SORCS1: variants seen among roughly 807,000 people sequenced by gnomAD.
The protein encoded by SORCS1 is VPS10 domain-containing receptor SorCS1.
In SORCS1, 60 loss-of-function variants were observed where a neutral mutation model predicts 146.1. That is an observed-to-expected ratio of 0.41 (90% CI 0.33 to 0.51). The LOEUF (loss-of-function observed/expected upper bound fraction) is 0.51, where lower values mean the gene tolerates loss of function less well. Ranked by LOEUF, SORCS1 falls within the 20% of genes least tolerant of loss-of-function variation. SORCS1 has a pLI of 0.21. For synonymous variants in SORCS1, 637 were observed against 584.0 expected (o/e 1.09, Z -1.31); for missense variants, 1,352 against 1,487.6 (o/e 0.91, Z 1.50).
intron 2 of SORCS1, among the ~76,000 whole-genome samples, chr10:106,898,937 T>G (rs1325385943): frequency 6.6e-6 from 1 of 152,222 alleles, no homozygotes; most frequent in Non-Finnish European, 1.5e-5. Context: ...TTGGTCAGAA[T>G]AGTGCTGGGT....
chr10:107,108,179 G>C (rs1216063049), intron 1 of SORCS1, among the ~76,000 whole-genome samples: 1 of 152,194 alleles, frequency 6.6e-6, no homozygotes, highest in Non-Finnish European at 1.5e-5. Context: ...TGATCCTAGA[G>C]ACAGGACTGC....
intron 4 of SORCS1, among the ~76,000 whole-genome samples, chr10:106,771,221 T>G (rs564160382): frequency 2.0e-5 from 3 of 152,040 alleles, no homozygotes; most frequent in Admixed American, 6.5e-5. Context: ...CTCTCCTGTT[T>G]TTTTTTTTTA....
chr10:107,163,863 C>A, intron 1 of SORCS1, 106 bp downstream of exon 1: 1 of 1,304,328 alleles, frequency 7.7e-7, no homozygotes, highest in East Asian at 2.5e-5. Flanking sequence ...GCAGCATCTC[C>A]CATGTCCAGA....
intron 1 of SORCS1, among the ~76,000 whole-genome samples, chr10:106,966,302 G>A (rs1426434358): frequency 6.6e-6 from 1 of 152,130 alleles, no homozygotes; most frequent in Non-Finnish European, 1.5e-5. Context: ...ACTAACATGT[G>A]AAGTCAACAG....
At chr10:106,932,616 G>A (rs780846133) in intron 2 of SORCS1, among the ~76,000 whole-genome samples, 1 of 152,172 alleles carries the variant, frequency 6.6e-6, no homozygotes, top group Non-Finnish European at 1.5e-5. Context: ...CTATCCAAGA[G>A]AAACAAAGCA....
chr10:107,154,940 T>G (rs1307382731), intron 1 of SORCS1, among the ~76,000 whole-genome samples: 2 of 152,334 alleles, frequency 1.3e-5, no homozygotes, highest in East Asian at 3.9e-4. Flanking sequence ...ATGAGGGAAC[T>G]AAAGACAGAG....
chr10:106,819,005 A>G (rs1947879954), intron 3 of SORCS1, among the ~76,000 whole-genome samples: 1 of 152,216 alleles, frequency 6.6e-6, no homozygotes, highest in Admixed American at 6.5e-5. Flanking sequence ...AACCTCTTAT[A>G]TTTCTATTTC....
intron 18 of SORCS1, among the ~76,000 whole-genome samples, chr10:106,648,425 T>G (rs1033055262): frequency 6.6e-6 from 1 of 152,334 alleles, no homozygotes; most frequent in African/African-American, 2.4e-5. Context: ...TAACTCCACT[T>G]AATTCGCTCC....
chr10:107,139,344 G>GA (rs1050873711), intron 1 of SORCS1, among the ~76,000 whole-genome samples: 2 of 150,858 alleles, frequency 1.3e-5, no homozygotes, highest in East Asian at 1.9e-4. Context: ...AAACTCTGAA[G>GA]AAAAAAAAAG....
intron 3 of SORCS1, among the ~76,000 whole-genome samples, chr10:106,801,582 G>A (rs932685945): frequency 6.9e-6 from 1 of 144,182 alleles, no homozygotes. Context: ...AGGCTGGAGT[G>A]CAGTGGTGGG....
chr10:107,132,517 C>T (rs546408859), intron 1 of SORCS1, among the ~76,000 whole-genome samples: 5 of 152,238 alleles, frequency 3.3e-5, no homozygotes, highest in Admixed American at 1.3e-4. Context: ...ATCTTTAGCA[C>T]GCTAACAGTA....
intron 4 of SORCS1, among the ~76,000 whole-genome samples, chr10:106,766,023 A>C (rs1859541367): frequency 6.6e-6 from 1 of 152,176 alleles, no homozygotes; most frequent in Admixed American, 6.5e-5. Context: ...TCTTTGGTTC[A>C]TGGGACCAGA....
chr10:106,699,078 A>G (rs546967275), intron 9 of SORCS1, 136 bp downstream of exon 9: 1 of 702,380 alleles, frequency 1.4e-6, no homozygotes, highest in African/African-American at 1.8e-5. Flanking sequence ...TGTTCTGCAA[A>G]TCTTTCCATC....
In SORCS1 at chr10:106,671,288, G is replaced by A; in HGVS notation, c.2138C>T (p.Ala713Val). The change falls in exon 16 of 26, where the codon GCA (alanine) becomes GTA (valine). Residue 713 changes from alanine (A) to valine (V), a missense_variant. Transcript: ENST00000263054. ...SERKCMQGKYAGAMESEPCVC... is the reference protein window; with the variant it reads ...SERKCMQGKYVGAMESEPCVC... ...ACAGGGTTCAGATTCCATAGCTCCT[G>A]CATATTTTCCTTGCATACACTTCCG... 1 of 1,614,080 alleles carries A rather than the reference G, an allele frequency of 6.2e-7. No homozygotes were observed. Among genetic ancestry groups the A allele is most frequent in the Non-Finnish European group, 8.5e-7 (1 of 1,179,988 alleles).
chr10:107,141,666 A>T (rs1472212433), intron 1 of SORCS1, among the ~76,000 whole-genome samples: 1 of 152,124 alleles, frequency 6.6e-6, no homozygotes, highest in African/African-American at 2.4e-5. Context: ...GTTTCCAGTT[A>T]AGGCCCTAAT....
intron 24 of SORCS1, among the ~76,000 whole-genome samples, chr10:106,582,919 G>A (rs1296302245): frequency 2.6e-5 from 4 of 152,190 alleles, no homozygotes; most frequent in Non-Finnish European, 4.4e-5. Flanking sequence ...TTGCCACGTA[G>A]TAAGTGCTAA....
At chr10:107,014,620 T>C (rs1957822869) in intron 1 of SORCS1, among the ~76,000 whole-genome samples, 1 of 152,146 alleles carries the variant, frequency 6.6e-6, no homozygotes, top group African/African-American at 2.4e-5. Context: ...CTGCATAACC[T>C]GGGAATCTGT....
chr10:107,147,231 T>C (rs565661781), intron 1 of SORCS1, among the ~76,000 whole-genome samples: 2 of 152,312 alleles, frequency 1.3e-5, no homozygotes, highest in East Asian at 3.9e-4. Context: ...CATAATGCAA[T>C]ATGTCCTCGT....
intron 14 of SORCS1, 151 bp from the exon 15 acceptor site, chr10:106,673,136 CTTT>C (rs11397124): frequency 1.2e-4 from 55 of 447,516 alleles, no homozygotes; most frequent in Middle Eastern, 6.5e-4. Context: ...GAAGAGGGTA[CTTT>C]TTTTTTTTTT....
Sources: gnomAD v4.1 joint callset for allele counts (sites outside exome capture counted in the v4.1 genomes callset) on GRCh38, gnomAD v4.1.1 for gene constraint, MANE v1.5 for transcripts, NCBI Gene and HGNC (gene_info 2026-07-23, HGNC 2026-07-21) for gene names.